The following CHN1 variants were observed in gnomAD, a reference collection of about 807,000 sequenced individuals.
CHN1 encodes the protein chimerin 1, also known as N-chimaerin.
CHN1 carries 37 observed loss-of-function variants against 59.5 expected under a neutral mutation model. The observed-to-expected ratio is 0.62, with a 90% confidence interval of 0.48 to 0.82. The LOEUF is 0.82. Among genes scored for constraint, CHN1 ranks in the 40% least tolerant of loss-of-function variants. The pLI, the probability that CHN1 is intolerant of heterozygous loss-of-function variation, is 0.00. For missense variants in CHN1, 469 were observed against 571.0 expected (o/e 0.82, Z 1.82); for synonymous variants, 206 against 200.4 (o/e 1.03, Z -0.24).
At chr2:174,954,646 C>A (rs1690129062) in intron 1 of CHN1, among the ~76,000 whole-genome samples, 2 of 152,020 alleles carry the variant, frequency 1.3e-5, no homozygotes, top group South Asian at 4.2e-4. Flanking sequence ...CATGAATAAA[C>A]AATTTTTAAA....
rs774178364 is a variant in CHN1, at chr2:174,915,064, G to C, written c.254C>G (p.Ala85Gly). 1.2e-6 allele frequency: 2 copies of C among 1,608,368 alleles called. No homozygotes were observed. Among genetic ancestry groups the C allele is most frequent in the Non-Finnish European group, 1.7e-6 (2 of 1,176,960 alleles). ...TTGCAGGCCCATGACCAACCTTAAA[G>C]CCAAAGTGTAGGTCCCTGGCTGCCG... ...SQRQPGTYTL[A>G]LRFGSQTRNF... The change falls in exon 5 of 13, where the codon GCT becomes GGT. Residue 85 changes from alanine to glycine, a missense_variant. Ala to Gly is a moderately conservative substitution (Grantham distance 60). Around this residue, in one of 5 missense-constraint regions of CHN1, gnomAD observed 152 missense variants for 166.1 expected, o/e 0.92. Transcript: ENST00000409900.
chr2:174,840,539 T>C (rs1057179554), intron 7 of CHN1, among the ~76,000 whole-genome samples: 3 of 152,106 alleles, frequency 2.0e-5, no homozygotes, highest in Non-Finnish European at 4.4e-5. Flanking sequence ...AGTTTGCATA[T>C]ATCCAGCAGT....
intron 7 of CHN1, among the ~76,000 whole-genome samples, chr2:174,840,557 C>A (rs1032904453): frequency 6.6e-6 from 1 of 152,008 alleles, no homozygotes; most frequent in Non-Finnish European, 1.5e-5. Flanking sequence ...AGTCAAGGAC[C>A]GTACATTACA....
intron 1 of CHN1, 62 bp downstream of exon 1, chr2:175,004,832 C>T: frequency 8.3e-7 from 1 of 1,204,356 alleles, no homozygotes; most frequent in Non-Finnish European, 1.1e-6. Context: ...CCCCCAGGCC[C>T]CCGCCCCCGA....
intron 3 of CHN1, among the ~76,000 whole-genome samples, chr2:174,941,650 C>T (rs542677113): frequency 6.6e-6 from 1 of 152,122 alleles, no homozygotes; most frequent in Admixed American, 6.5e-5. Flanking sequence ...ACATGTTGAA[C>T]GTTTGATCAT....
chr2:174,989,016 T>C (rs1025957080), intron 1 of CHN1, among the ~76,000 whole-genome samples: 5 of 152,188 alleles, frequency 3.3e-5, no homozygotes, highest in Non-Finnish European at 7.3e-5. Context: ...CATCTCTCAA[T>C]CTGCTAAAAG....
intron 5 of CHN1, among the ~76,000 whole-genome samples, chr2:174,904,156 G>C (rs529550451): frequency 2.0e-5 from 3 of 151,682 alleles, no homozygotes; most frequent in African/African-American, 7.3e-5. Flanking sequence ...CCAGCTACTC[G>C]GGAGGCTGAG....
intron 6 of CHN1, among the ~76,000 whole-genome samples, chr2:174,850,868 AG>A (rs1180658943): frequency 1.3e-5 from 2 of 152,220 alleles, no homozygotes; most frequent in Admixed American, 6.5e-5. Flanking sequence ...TTAAGGATCC[AG>A]GAACACTGCT....
At chr2:174,976,031 C>T (rs1047178533) in intron 1 of CHN1, among the ~76,000 whole-genome samples, 1 of 136,150 alleles carries the variant, frequency 7.3e-6, no homozygotes, top group Non-Finnish European at 1.5e-5. Flanking sequence ...GAGGCTGAGG[C>T]AGGTGAATGG....
chr2:174,816,962 C>A (rs1041401161), intron 8 of CHN1, among the ~76,000 whole-genome samples: 2 of 151,926 alleles, frequency 1.3e-5, no homozygotes, highest in African/African-American at 4.8e-5. Flanking sequence ...AAGCTGAAGA[C>A]AATGAGGTTG....
intron 5 of CHN1, among the ~76,000 whole-genome samples, chr2:174,878,833 T>C (rs951052107): frequency 6.6e-6 from 1 of 152,264 alleles, no homozygotes; most frequent in Non-Finnish European, 1.5e-5. Context: ...CTGTTTTCAA[T>C]TTTATGTTCT....
At position 174,983,767 on chromosome 2, in the gene CHN1, G is replaced by T. The variant is rs77555920; in HGVS notation, c.19+21127C>A. ...TAGTTGAACCCAGGAGGCTGAGGTT[G>T]CAGTGAGCTGAGGTGGTGCCACTGC... On this transcript the variant is annotated intron_variant, in intron 1 of 12. Coordinates refer to ENST00000409900, the MANE Select transcript of CHN1 (RefSeq NM_001822.7). Among the ~76,000 whole-genome samples the T allele has an allele frequency of 4.7e-3, 723 of 152,288 alleles. 5 individuals carry two copies. Among genetic ancestry groups the T allele is most frequent in the African/African-American group, 0.016 (685 of 41,554 alleles).
intron 5 of CHN1, among the ~76,000 whole-genome samples, chr2:174,901,636 T>C (rs930981950): frequency 5.3e-5 from 8 of 152,110 alleles, no homozygotes; most frequent in Admixed American, 3.3e-4. Context: ...TTTCCTTGTA[T>C]CTCCAGCACC....
intron 11 of CHN1, among the ~76,000 whole-genome samples, chr2:174,803,510 T>C (rs992659323): frequency 1.8e-4 from 28 of 152,216 alleles, no homozygotes; most frequent in African/African-American, 5.5e-4. Flanking sequence ...AATTTAATCA[T>C]TGAATTTCTA....
At chr2:174,940,688 T>C (rs1291396672) in intron 3 of CHN1, among the ~76,000 whole-genome samples, 1 of 152,194 alleles carries the variant, frequency 6.6e-6, no homozygotes, top group Non-Finnish European at 1.5e-5. Flanking sequence ...TGTGTTTCAC[T>C]GTATCACTTC....
intron 8 of CHN1, among the ~76,000 whole-genome samples, chr2:174,818,496 T>C (rs989423288): frequency 6.6e-6 from 1 of 152,226 alleles, no homozygotes; most frequent in Non-Finnish European, 1.5e-5. Context: ...TAAAGTCATA[T>C]AACTCTTATA....
chr2:174,956,019 C>A (rs1690192373), intron 1 of CHN1, among the ~76,000 whole-genome samples: 1 of 152,042 alleles, frequency 6.6e-6, no homozygotes, highest in South Asian at 2.1e-4. Flanking sequence ...CACATGTATC[C>A]CCATATCTAA....
At chr2:174,965,298 T>G (rs1433534136) in intron 1 of CHN1, among the ~76,000 whole-genome samples, 1 of 152,158 alleles carries the variant, frequency 6.6e-6, no homozygotes, top group African/African-American at 2.4e-5. Flanking sequence ...TCTTTCTTTT[T>G]ATTATATATT....
intron 6 of CHN1, chr2:174,875,870 A>C (rs1365706067): frequency 1.2e-5 from 12 of 978,662 alleles, no homozygotes; most frequent in Non-Finnish European, 1.2e-5. Flanking sequence ...TGACACCTGT[A>C]AATAAAATAA....
Sources: gnomAD v4.1 joint callset for allele counts (sites outside exome capture counted in the v4.1 genomes callset) on GRCh38, gnomAD v4.1.1 for gene constraint, gnomAD v4.1.1 regional missense constraint, MANE v1.5 for transcripts, NCBI Gene and HGNC (gene_info 2026-07-23, HGNC 2026-07-21) for gene names.